The following DACH1 variants were observed in gnomAD, a reference collection of about 807,000 sequenced individuals.
DACH1 encodes dachshund homolog 1.
DACH1 carries 12 observed loss-of-function variants against 54.2 expected under a neutral mutation model. The ratio of observed to expected loss-of-function variants is 0.22; its 90% CI spans 0.14 to 0.36. The LOEUF (loss-of-function observed/expected upper bound fraction) is 0.36. Among genes scored for constraint, DACH1 ranks in the 10% least tolerant of loss-of-function variants. DACH1 has a pLI of 1.00. For synonymous variants in DACH1, 386 were observed against 366.2 expected, an observed-to-expected ratio of 1.05 and a Z score of -0.62; for missense variants, 805 against 929.8, an observed-to-expected ratio of 0.87 and a Z score of 1.75.
intron 1 of DACH1, among the ~76,000 whole-genome samples, chr13:71,755,227 A>C (rs564731451): frequency 5.3e-5 from 8 of 152,314 alleles, no homozygotes; most frequent in Admixed American, 5.2e-4. Flanking sequence ...TCTGTTTATG[A>C]GAATTTTATT....
intron 1 of DACH1, among the ~76,000 whole-genome samples, chr13:71,736,064 T>A (rs897063590): frequency 5.9e-5 from 9 of 152,032 alleles, no homozygotes; most frequent in Non-Finnish European, 8.8e-5. Context: ...GTACAGAGAG[T>A]ATGGAAAATG....
intron 10 of DACH1, among the ~76,000 whole-genome samples, chr13:71,442,530 C>T (rs2138096178): frequency 6.6e-6 from 1 of 152,184 alleles, no homozygotes; most frequent in Middle Eastern, 3.4e-3. Context: ...TGAAATACTA[C>T]CTCCAAGATG....
At chr13:71,817,503 A>T (rs547896896) in intron 1 of DACH1, among the ~76,000 whole-genome samples, 19 of 152,188 alleles carry the variant, frequency 1.2e-4, no homozygotes, top group African/African-American at 4.6e-4. Context: ...CACACCAGGG[A>T]ACTAGGCCTG....
At chr13:71,567,126 A>G (rs910992367) in intron 4 of DACH1, among the ~76,000 whole-genome samples, 5 of 152,070 alleles carry the variant, frequency 3.3e-5, no homozygotes, top group African/African-American at 1.2e-4. Flanking sequence ...AATGTCACAA[A>G]GTCTCTCTCT....
chr13:71,852,363 G>GC (rs2138267556), intron 1 of DACH1, among the ~76,000 whole-genome samples: 1 of 143,572 alleles, frequency 7.0e-6, no homozygotes, highest in South Asian at 2.2e-4. Flanking sequence ...TTAAAGTGCT[G>GC]CTTTTTTTTT....
At chr13:71,865,542 G>A (rs1566551129) in intron 1 of DACH1, among the ~76,000 whole-genome samples, 1 of 152,126 alleles carries the variant, frequency 6.6e-6, no homozygotes, top group Non-Finnish European at 1.5e-5. Context: ...AACGCGGACA[G>A]CAGCGCTGAG....
At chr13:71,789,344 C>T (rs1488069728) in intron 1 of DACH1, among the ~76,000 whole-genome samples, 1 of 152,056 alleles carries the variant, frequency 6.6e-6, no homozygotes, top group Non-Finnish European at 1.5e-5. Flanking sequence ...GAAGATTAGA[C>T]ACCCTATGTT....
intron 1 of DACH1, among the ~76,000 whole-genome samples, chr13:71,851,603 C>T (rs1291895467): frequency 6.6e-6 from 1 of 152,118 alleles, no homozygotes; most frequent in African/African-American, 2.4e-5. Flanking sequence ...ACCCTTTGGA[C>T]TTGTGAACCA....
chr13:71,849,055 A>C lies in DACH1; in HGVS notation c.848+16867T>G, dbSNP rs188870613. On this transcript the variant is annotated intron_variant, in intron 1 of 10. Coordinates refer to ENST00000613252, the MANE Select transcript of DACH1 (RefSeq NM_080759.6). ...ACATTAGTTAATCTAAAATCTAGAG[A>C]TATTGTGATAATAAAATACTTCCCT... 1.2e-4 allele frequency among the ~76,000 whole-genome samples: 19 copies of C among 152,310 alleles called. No individual in the cohort carries two copies. In the East Asian group the frequency reaches 3.7e-3, roughly 29 times the overall value.
intron 6 of DACH1, among the ~76,000 whole-genome samples, chr13:71,544,110 C>T (rs778571109): frequency 4.6e-5 from 7 of 152,094 alleles, no homozygotes; most frequent in Non-Finnish European, 7.4e-5. Flanking sequence ...AGAATCATCC[C>T]ACCTTACCAC....
At chr13:71,487,250 T>C (rs1165047996) in intron 7 of DACH1, among the ~76,000 whole-genome samples, 5 of 152,158 alleles carry the variant, frequency 3.3e-5, no homozygotes, top group African/African-American at 1.2e-4. Flanking sequence ...ATTTAGCTTG[T>C]CTTGACCATT....
chr13:71,773,518 C>G lies in DACH1; in HGVS notation c.849-91608G>C, dbSNP rs186036900. Among the ~76,000 whole-genome samples the G allele has an allele frequency of 2.1e-4, 32 of 152,026 alleles. No individual in the cohort carries two copies. In the East Asian group the frequency reaches 3.5e-3, roughly 17 times the overall value. On this transcript the variant is annotated intron_variant, in intron 1 of 10. Coordinates refer to ENST00000613252, the MANE Select transcript of DACH1 (RefSeq NM_080759.6). ...TAATTGTAAAACCTGACTTTTTAAA[C>G]CAAAGCACCAATTTTTGGTAACGAT...
chr13:71,866,548 G>A lies in DACH1; in HGVS notation c.222C>T (p.Gly74=). 8.0e-7 allele frequency: 1 copy of A among 1,251,346 alleles called. No homozygotes were observed. The allele number at this position is 1,251,346 out of a possible 1,614,324, so 77.5% of individuals were successfully genotyped here. ...CGCTGCCGCCGCCGCCGCCGCCGCC[G>A]CCGGTAGAGGTGACTGTGGCCGCCG... ...AAAAATVTST[G]GGGGGGGSGG... Residue 74 remains glycine, a synonymous_variant, in exon 1 of 11, where the codon GGC becomes GGT. Transcript: ENST00000613252.
chr13:71,631,407 C>A (rs970500792), intron 2 of DACH1, among the ~76,000 whole-genome samples: 9 of 152,144 alleles, frequency 5.9e-5, no homozygotes, highest in African/African-American at 2.2e-4. Flanking sequence ...GACATGCCAC[C>A]CTGCACTGGA....
At chr13:71,534,094 T>C (rs1882596955) in intron 6 of DACH1, among the ~76,000 whole-genome samples, 1 of 152,040 alleles carries the variant, frequency 6.6e-6, no homozygotes, top group Non-Finnish European at 1.5e-5. Flanking sequence ...ACACTATCAG[T>C]AGACCAGCAT....
At chr13:71,482,691 C>T (rs941859627) in intron 7 of DACH1, among the ~76,000 whole-genome samples, 1 of 152,004 alleles carries the variant, frequency 6.6e-6, no homozygotes, top group Non-Finnish European at 1.5e-5. Context: ...TAATGTTTCC[C>T]TGGTCTCTTT....
intron 1 of DACH1, among the ~76,000 whole-genome samples, chr13:71,844,155 C>A (rs920471736): frequency 2.6e-5 from 4 of 152,122 alleles, no homozygotes; most frequent in African/African-American, 9.7e-5. Flanking sequence ...CCAAGAGCAT[C>A]CATTAATAGA....
chr13:71,573,409 C>G (rs1251542790), intron 3 of DACH1: 3 of 715,420 alleles, frequency 4.2e-6, no homozygotes, highest in Non-Finnish European at 7.8e-6. Flanking sequence ...CTAAAGAATG[C>G]CATCGTACCA....
chr13:71,817,121 G>A (rs546651922), intron 1 of DACH1, among the ~76,000 whole-genome samples: 1 of 152,104 alleles, frequency 6.6e-6, no homozygotes, highest in Non-Finnish European at 1.5e-5. Context: ...AATGAATAAA[G>A]TAAAACAAAA....
Sources: gnomAD v4.1 joint callset for allele counts (sites outside exome capture counted in the v4.1 genomes callset) on GRCh38, gnomAD v4.1.1 for gene constraint, MANE v1.5 for transcripts, NCBI Gene and HGNC (gene_info 2026-07-23, HGNC 2026-07-21) for gene names.